FSTL4: variants seen among roughly 807,000 people sequenced by gnomAD.
The protein encoded by FSTL4 is follistatin-related protein 4.
Under a neutral mutation model 78.2 loss-of-function variants are expected in FSTL4, and 28 were observed. The observed-to-expected ratio is 0.36, with a 90% CI of 0.27 to 0.49. FSTL4 has a LOEUF of 0.49. FSTL4 is among the 20% of genes least tolerant of loss of function. The probability of loss-of-function intolerance (pLI) is 0.98; values close to 1 mark genes in which losing one functional copy is unlikely to be tolerated. For synonymous variants in FSTL4, 422 were observed against 440.5 expected (o/e 0.96, Z 0.53); for missense variants, 922 against 1,084.9 (o/e 0.85, Z 2.11).
intron 3 of FSTL4, among the ~76,000 whole-genome samples, chr5:133,506,723 G>A (rs546250943): frequency 6.6e-6 from 1 of 152,164 alleles, no homozygotes; most frequent in African/African-American, 2.4e-5. Flanking sequence ...GTGAGAATTA[G>A]GTTGAAAACA....
At chr5:133,523,978 T>C (rs155581) in intron 3 of FSTL4, among the ~76,000 whole-genome samples, 85,808 of 152,064 alleles carry the variant, frequency 0.56, 24,949 homozygotes, top group Non-Finnish European at 0.65. Context: ...GGAAGACGGG[T>C]GTCCTTGTGA....
intron 3 of FSTL4, among the ~76,000 whole-genome samples, chr5:133,454,650 T>G (rs1043428664): frequency 5.3e-5 from 8 of 152,318 alleles, no homozygotes; most frequent in African/African-American, 1.7e-4. Context: ...TGAAGGGAAT[T>G]CATGAGGCAG....
intron 3 of FSTL4, among the ~76,000 whole-genome samples, chr5:133,475,872 G>A (rs369688651): frequency 8.5e-5 from 13 of 152,138 alleles, no homozygotes; most frequent in African/African-American, 3.1e-4. Context: ...GCTCTCACGC[G>A]TGTGTGAGAG....
intron 1 of FSTL4, among the ~76,000 whole-genome samples, chr5:133,604,262 C>T (rs1298351556): frequency 6.6e-5 from 10 of 152,134 alleles, no homozygotes; most frequent in Non-Finnish European, 7.3e-5. Context: ...AATGCTGTTA[C>T]GTGGAAACCC....
chr5:133,657,209 G>A, the FSTL4 span, among the ~76,000 whole-genome samples: 1 of 152,168 alleles, frequency 6.6e-6, no homozygotes, highest in African/African-American at 2.4e-5. Flanking sequence ...GCCACTCAAG[G>A]AAAGCCCCCG....
intron 3 of FSTL4, among the ~76,000 whole-genome samples, chr5:133,421,695 C>T (rs997374290): frequency 3.3e-5 from 5 of 152,216 alleles, no homozygotes; most frequent in Admixed American, 2.0e-4. Flanking sequence ...GAGCCCATCC[C>T]GCCACCTTGA....
chr5:133,387,067 G>A (rs1281897345), intron 4 of FSTL4, among the ~76,000 whole-genome samples: 3 of 152,198 alleles, frequency 2.0e-5, no homozygotes, highest in African/African-American at 7.2e-5. Context: ...GGTGGAGGAG[G>A]AAGGAATGCA....
chr5:133,601,625 A>C (rs1489475062), intron 2 of FSTL4, among the ~76,000 whole-genome samples: 1 of 151,992 alleles, frequency 6.6e-6, no homozygotes, highest in East Asian at 1.9e-4. Flanking sequence ...AACCGATTAA[A>C]ATAAATGTTC....
rs188077701 is a variant in FSTL4, at chr5:133,525,544, G to A, written c.160+41642C>T. ...TATTCATCTTAAGCAGTCTCCTCACGGTCTCTGTTCTCCTGAGACTGGCAA... is the reference window on the plus strand; with the variant it reads ...TATTCATCTTAAGCAGTCTCCTCACAGTCTCTGTTCTCCTGAGACTGGCAA... On this transcript the variant is annotated intron_variant, in intron 3 of 15. Transcript: ENST00000265342. 1.7e-3 allele frequency among the ~76,000 whole-genome samples: 265 copies of A among 152,312 alleles called. 1 individual carries two copies. The highest frequency in any genetic ancestry group is 9.0e-4 in the Non-Finnish European group (61 of 68,022).
At chr5:133,446,438 C>A (rs1404569202) in intron 3 of FSTL4, among the ~76,000 whole-genome samples, 2 of 152,122 alleles carry the variant, frequency 1.3e-5, no homozygotes, top group Non-Finnish European at 2.9e-5. Context: ...TCTGTCTTAA[C>A]AACAACAACC....
chr5:133,630,548 C>T, the FSTL4 span, among the ~76,000 whole-genome samples: 3 of 152,134 alleles, frequency 2.0e-5, no homozygotes, highest in South Asian at 4.1e-4. Flanking sequence ...GAATCAATAT[C>T]GTGAAAATGG....
chr5:133,254,037 A>C (rs1451332213), intron 6 of FSTL4, among the ~76,000 whole-genome samples: 1 of 152,178 alleles, frequency 6.6e-6, no homozygotes, highest in Non-Finnish European at 1.5e-5. Flanking sequence ...ACTTGGACAG[A>C]TATTAGGTGA....
intron 6 of FSTL4, among the ~76,000 whole-genome samples, chr5:133,279,945 A>T (rs1752973549): frequency 6.6e-6 from 1 of 152,218 alleles, no homozygotes; most frequent in African/African-American, 2.4e-5. Context: ...AGATGGAGGC[A>T]GACACTGGAG....
At chr5:133,528,934 C>T (rs1403474320) in intron 3 of FSTL4, among the ~76,000 whole-genome samples, 3 of 152,208 alleles carry the variant, frequency 2.0e-5, no homozygotes, top group African/African-American at 7.2e-5. Flanking sequence ...AAGTCTCCTC[C>T]ATGAGAATGT....
intron 4 of FSTL4, among the ~76,000 whole-genome samples, chr5:133,347,210 T>G (rs1166652487): frequency 6.6e-6 from 1 of 152,170 alleles, no homozygotes; most frequent in African/African-American, 2.4e-5. Flanking sequence ...CCTGTGGCTG[T>G]GTAGGTCTCT....
chr5:133,434,094 AGGGG>A (rs1756994703), intron 3 of FSTL4, among the ~76,000 whole-genome samples: 1 of 152,014 alleles, frequency 6.6e-6, no homozygotes, highest in Non-Finnish European at 1.5e-5. Flanking sequence ...ACGGGGCAAA[AGGGG>A]AGGGAGGGAG....
At chr5:133,355,381 G>C (rs1339549466) in intron 4 of FSTL4, among the ~76,000 whole-genome samples, 1 of 152,182 alleles carries the variant, frequency 6.6e-6, no homozygotes, top group African/African-American at 2.4e-5. Flanking sequence ...TTTTGGGCTG[G>C]GCATGGTGGC....
At chr5:133,276,370 G>A (rs1328673872) in intron 6 of FSTL4, among the ~76,000 whole-genome samples, 2 of 152,200 alleles carry the variant, frequency 1.3e-5, no homozygotes, top group Admixed American at 6.5e-5. Flanking sequence ...GCAGGGCCCC[G>A]GAAGGTCTGT....
chr5:133,388,673 A>C (rs1159145834), intron 4 of FSTL4: 1 of 151,242 alleles, frequency 6.6e-6, no homozygotes, highest in Non-Finnish European at 1.5e-5. Flanking sequence ...AAATGTCAGC[A>C]ATTATATTTT....
Sources: allele counts gnomAD v4.1 joint callset (sites outside exome capture counted in the v4.1 genomes callset), GRCh38; gene constraint gnomAD v4.1.1; transcripts MANE v1.5; gene names NCBI Gene and HGNC (gene_info 2026-07-23, HGNC 2026-07-21).